Variants in CDCP1 observed in about 807,000 individuals in gnomAD.
CDCP1 encodes the protein CUB domain containing protein 1.
A neutral mutation model predicts 60.2 loss-of-function variants in CDCP1; 29 were observed. The ratio of observed to expected loss-of-function variants is 0.48; its 90% CI spans 0.36 to 0.66. The LOEUF (loss-of-function observed/expected upper bound fraction) is 0.66, where lower values mean the gene tolerates loss of function less well. CDCP1 is among the 30% of genes least tolerant of loss of function. CDCP1 has a pLI of 0.00. For synonymous variants in CDCP1, 387 were observed against 431.1 expected (o/e 0.90, Z 1.27); for missense variants, 876 against 1,074.3 (o/e 0.82, Z 2.58).
chr3:45,086,743 T>TTGG (rs1438695678), intron 8 of CDCP1, among the ~76,000 whole-genome samples: 1 of 152,208 alleles, frequency 6.6e-6, no homozygotes, highest in Non-Finnish European at 1.5e-5. Flanking sequence ...CCATTAGCAT[T>TTGG]TGGTTTATAA....
At chr3:45,102,007 C>T (rs188287305) in intron 4 of CDCP1, among the ~76,000 whole-genome samples, 189 of 152,248 alleles carry the variant, frequency 1.2e-3, no homozygotes, top group African/African-American at 4.4e-3. Flanking sequence ...TTGGTACACA[C>T]AATAAATAGG....
intron 5 of CDCP1, 90 bp from the exon 6 acceptor site, chr3:45,093,747 G>T: frequency 1.4e-6 from 2 of 1,430,974 alleles, no homozygotes; most frequent in East Asian, 2.3e-5. Flanking sequence ...TTGGGTGTCT[G>T]CATGCTGCCC....
intron 1 of CDCP1, among the ~76,000 whole-genome samples, chr3:45,141,637 C>T (rs1444160341): frequency 6.6e-6 from 1 of 152,114 alleles, no homozygotes; most frequent in African/African-American, 2.4e-5. Context: ...GTAGTTAATA[C>T]TTTTAAAGAC....
chr3:45,136,012 A>G (rs925518073), intron 1 of CDCP1, among the ~76,000 whole-genome samples: 3 of 152,192 alleles, frequency 2.0e-5, no homozygotes, highest in Admixed American at 6.5e-5. Flanking sequence ...ACATGTTTCA[A>G]TCCCTTCCAG....
At position 45,085,511 on chromosome 3, in the gene CDCP1, T is replaced by G; in HGVS notation, c.*127A>C. 1 of 955,128 alleles carries G rather than the reference T, an allele frequency of 1.0e-6. No individual in the cohort carries two copies. The highest frequency in any genetic ancestry group is 1.6e-6 in the Non-Finnish European group (1 of 626,738). 59.2% of individuals were successfully genotyped at this position (955,128 alleles called of 1,614,324 possible). ...ACTGAGCAATGTGAAGTTGGCGGTG[T>G]CCAGGAAAACCTCCTGCTGTTCCTT... On this transcript the variant is annotated 3_prime_UTR_variant, in exon 9 of 9. Coordinates refer to ENST00000296129, the MANE Select transcript of CDCP1 (RefSeq NM_022842.5). This position sits in a 1 kb window ranked among gnomAD's most constrained non-coding sequence, Gnocchi z 4.2.
Position 45,091,228 on chromosome 3 carries a change from C to T in CDCP1, c.1938G>A (p.Thr646=), listed in dbSNP as rs754144206. The change falls in exon 7 of 9, where the codon ACG becomes ACA. Residue 646 remains threonine, a synonymous_variant. Transcript: ENST00000296129. The surrounding 1 kb of genome is among the most constrained non-coding windows in gnomAD (Gnocchi z 4.8). ...FWVNISNCSP[T]SGKQLDLLFS... ...AGAGCAGGTCTAGCTGCTTGCCGCT[C>T]GTGGGGCTGCAGTTAGAGATGTTGA... is the stretch of plus-strand genomic sequence containing the variant. 6.8e-6 allele frequency: 11 copies of T among 1,613,490 alleles called. No homozygotes were observed. The East Asian group carries it at 8.9e-5, about 13-fold the overall frequency.
intron 1 of CDCP1, among the ~76,000 whole-genome samples, chr3:45,135,004 A>G (rs1245171500): frequency 6.6e-6 from 1 of 152,210 alleles, no homozygotes; most frequent in Non-Finnish European, 1.5e-5. Flanking sequence ...CACAAGGGTG[A>G]CTGCAGTAAA....
chr3:45,099,257 C>A (rs989665368), intron 4 of CDCP1, among the ~76,000 whole-genome samples: 4 of 151,834 alleles, frequency 2.6e-5, no homozygotes, highest in Non-Finnish European at 5.9e-5. Flanking sequence ...CACCTTCACA[C>A]TTAATTGTTT....
intron 1 of CDCP1, 71 bp downstream of exon 1, chr3:45,146,135 T>C: frequency 5.0e-6 from 7 of 1,400,030 alleles, no homozygotes; most frequent in Non-Finnish European, 6.8e-6. Context: ...CTCGGCCGCA[T>C]CTCCGCCGGG....
rs369462395 is a variant in CDCP1 at position 45,110,359 on chromosome 3, A to T, written c.1024+114T>A. 3.7e-5 allele frequency: 55 copies of T among 1,480,404 alleles called. No individual in the cohort carries two copies. In the East Asian group the frequency reaches 9.8e-4, roughly 26 times the overall value. The allele number at this position is 1,480,404 out of a possible 1,614,324, so 91.7% of individuals were successfully genotyped here. On this transcript the variant is annotated intron_variant, in intron 4 of 8. Coordinates refer to ENST00000296129, the MANE Select transcript of CDCP1 (RefSeq NM_022842.5). ...AAACTCTTGCTGGGTCCAGAGTCTA[A>T]GTGTTTCAGAAGCCACAGATGAGAA...
At chr3:45,145,710 G>C (rs1699370804) in intron 1 of CDCP1, among the ~76,000 whole-genome samples, 1 of 152,286 alleles carries the variant, frequency 6.6e-6, no homozygotes, top group South Asian at 2.1e-4. Context: ...AAATGCGGAC[G>C]TGAAAGCACT....
chr3:45,133,965 T>C (rs186987142), intron 1 of CDCP1, among the ~76,000 whole-genome samples: 2 of 152,218 alleles, frequency 1.3e-5, no homozygotes, highest in Admixed American at 1.3e-4. Context: ...TGCTTCACTG[T>C]GGTCTGAAGG....
chr3:45,095,328 C>A lies in CDCP1; in HGVS notation c.1246+19G>T. On this transcript the variant is annotated intron_variant, in intron 5 of 8. Coordinates refer to ENST00000296129, the MANE Select transcript of CDCP1 (RefSeq NM_022842.5). ...AGCTATCCATGGCCAGGGACAAATG[C>A]ACTGATTCAGGGGCGTACTTATGGT... 6.2e-7 allele frequency: 1 copy of A among 1,607,854 alleles called. No individual in the cohort carries two copies. Among genetic ancestry groups the A allele is most frequent in the Non-Finnish European group, 8.5e-7 (1 of 1,174,558 alleles).
intron 4 of CDCP1, among the ~76,000 whole-genome samples, chr3:45,107,213 C>CTTTT (rs546623663): frequency 2.0e-5 from 3 of 147,434 alleles, no homozygotes; most frequent in Non-Finnish European, 3.0e-5. Flanking sequence ...TCCTTTCTTT[C>CTTTT]TTTTTTTTTT....
chr3:45,141,959 G>A (rs1398599277), intron 1 of CDCP1, among the ~76,000 whole-genome samples: 2 of 152,048 alleles, frequency 1.3e-5, no homozygotes, highest in East Asian at 1.9e-4. Context: ...AGCATCCTGC[G>A]TAGCTGGGAT....
intron 1 of CDCP1, among the ~76,000 whole-genome samples, chr3:45,119,621 CAGTT>C (rs893252694): frequency 4.0e-4 from 61 of 152,330 alleles, no homozygotes; most frequent in African/African-American, 1.3e-3. Flanking sequence ...GCTTGATAAA[CAGTT>C]AGTGAATGAA....
intron 4 of CDCP1, among the ~76,000 whole-genome samples, chr3:45,107,079 C>T (rs1350921269): frequency 2.0e-5 from 3 of 152,216 alleles, no homozygotes; most frequent in Non-Finnish European, 4.4e-5. Context: ...GCGGTCCACT[C>T]TCCTGCCTCC....
intron 8 of CDCP1, among the ~76,000 whole-genome samples, chr3:45,087,289 A>T (rs1487838562): frequency 1.3e-5 from 2 of 152,186 alleles, no homozygotes; most frequent in Non-Finnish European, 2.9e-5. Flanking sequence ...ATCCTCCTAC[A>T]ACAGCTTGGG....
At chr3:45,108,212 C>T (rs1319201448) in intron 4 of CDCP1, among the ~76,000 whole-genome samples, 1 of 151,996 alleles carries the variant, frequency 6.6e-6, no homozygotes, top group Non-Finnish European at 1.5e-5. Context: ...AATTTAGGGT[C>T]CACATAGAGG....
Sources: gnomAD v4.1 joint callset for allele counts (sites outside exome capture counted in the v4.1 genomes callset) on GRCh38, gnomAD v4.1.1 for gene constraint, Gnocchi (gnomAD v3.1) non-coding constraint, MANE v1.5 for transcripts, NCBI Gene and HGNC (gene_info 2026-07-23, HGNC 2026-07-21) for gene names.